Variants in KIF13B observed in about 807,000 individuals in gnomAD.
KIF13B encodes kinesin-like protein KIF13B.
Under a neutral mutation model 222.0 loss-of-function variants are expected in KIF13B, and 127 were observed. The ratio of observed to expected loss-of-function variants is 0.57; its 90% CI spans 0.50 to 0.66. The LOEUF is 0.66. Ranked by LOEUF, KIF13B falls within the 30% of genes least tolerant of loss-of-function variation. The pLI is 0.00. For synonymous variants in KIF13B, 976 were observed against 919.0 expected (o/e 1.06, Z -1.12); for missense variants, 2,173 against 2,379.0 (o/e 0.91, Z 1.80).
rs1005368278 is a variant in KIF13B, at chr8:29,071,940, T to C, written c.4898A>G (p.Glu1633Gly). 16 of 1,392,802 alleles carry C rather than the reference T, an allele frequency of 1.1e-5. No individual in the cohort carries two copies. The highest frequency in any genetic ancestry group is 1.6e-5 in the African/African-American group (1 of 64,114). 86.3% of individuals were successfully genotyped at this position (1,392,802 alleles called of 1,614,324 possible). A position where few individuals can be genotyped will look rare whatever the true frequency, so the allele number is the denominator to read the frequency against. The stretch of plus-strand genomic sequence containing the variant: ...CGCCGGGGCCTCGAGGTCGGGGCGC[T>C]CCCGACCGGGGCTCACGAGCTGCTG... ...GPQQLVSPGRERPDLEAPAPG... is the reference protein window; with the variant it reads ...GPQQLVSPGRGRPDLEAPAPG... Residue 1633 changes from glutamate to glycine, a missense_variant, in exon 39 of 40, where the codon GAG becomes GGG. This residue lies in a region of KIF13B where 693 missense variants were observed against 656.2 expected (regional missense o/e 1.06). Coordinates refer to ENST00000524189, the MANE Select transcript of KIF13B (RefSeq NM_015254.4). The surrounding 1 kb of genome is among the most constrained non-coding windows in gnomAD (Gnocchi z 4.9).
chr8:29,118,774 G>A (rs2129694826), intron 30 of KIF13B, 94 bp downstream of exon 30: 1 of 1,275,712 alleles, frequency 7.8e-7, no homozygotes, highest in South Asian at 1.4e-5. Context: ...GAAATGTAAA[G>A]TACTGGCATG....
intron 23 of KIF13B, among the ~76,000 whole-genome samples, chr8:29,131,058 T>C (rs1810320618): frequency 6.6e-6 from 1 of 152,104 alleles, no homozygotes; most frequent in Non-Finnish European, 1.5e-5. Flanking sequence ...CCTAAGCAAA[T>C]TAATGCAGAA....
chr8:29,073,463 A>G (rs1042520758), intron 38 of KIF13B, among the ~76,000 whole-genome samples: 1 of 152,184 alleles, frequency 6.6e-6, no homozygotes, highest in South Asian at 2.1e-4. Flanking sequence ...TCTTTCATCT[A>G]TAACTGAAGC....
chr8:29,262,932 G>A (rs756033245), intron 1 of KIF13B, 48 bp downstream of exon 1: 88 of 1,484,338 alleles, frequency 5.9e-5, no homozygotes, highest in Non-Finnish European at 7.1e-5. Context: ...GGGCGCGCCA[G>A]GCACCTGCCG....
At chr8:29,140,857 C>T (rs1810787599) in intron 19 of KIF13B, 4 of 378,260 alleles carry the variant, frequency 1.1e-5, no homozygotes, top group Admixed American at 8.6e-5. Flanking sequence ...CATGACAGAG[C>T]GATCCCAGTA....
chr8:29,261,124 C>T (rs749413036), intron 1 of KIF13B, among the ~76,000 whole-genome samples: 28 of 152,156 alleles, frequency 1.8e-4, no homozygotes, highest in Non-Finnish European at 4.0e-4. Context: ...TAAGAATGGG[C>T]ACTAAGTGAA....
intron 3 of KIF13B, among the ~76,000 whole-genome samples, chr8:29,195,069 G>A (rs1813356938): frequency 6.6e-6 from 1 of 152,112 alleles, no homozygotes; most frequent in Admixed American, 6.5e-5. Flanking sequence ...CCAACATGGT[G>A]AAACCCCGTC....
chr8:29,223,580 T>A (rs1349566808), intron 2 of KIF13B, among the ~76,000 whole-genome samples: 1 of 152,210 alleles, frequency 6.6e-6, no homozygotes, highest in Non-Finnish European at 1.5e-5. Flanking sequence ...ATTTAACACG[T>A]AACTAAAATT....
intron 4 of KIF13B, chr8:29,190,386 T>C (rs907561502): frequency 1.3e-5 from 2 of 152,378 alleles, no homozygotes; most frequent in African/African-American, 4.8e-5. Context: ...TCTGGATTGC[T>C]AAACACACAG....
intron 1 of KIF13B, 60 bp from the exon 2 acceptor site, chr8:29,245,499 C>G: frequency 7.9e-7 from 1 of 1,263,484 alleles, no homozygotes; most frequent in Non-Finnish European, 1.1e-6. Flanking sequence ...TCAGAAAAGG[C>G]AAAATTCAGA....
intron 12 of KIF13B, among the ~76,000 whole-genome samples, chr8:29,165,183 G>C (rs561036619): frequency 5.9e-5 from 9 of 152,134 alleles, no homozygotes; most frequent in Non-Finnish European, 1.0e-4. Context: ...ACTGTCACTA[G>C]AAAATGGTGA....
intron 21 of KIF13B, among the ~76,000 whole-genome samples, chr8:29,134,486 T>C (rs1019909941): frequency 1.4e-4 from 22 of 152,326 alleles, no homozygotes; most frequent in African/African-American, 4.1e-4. Context: ...TTTCTCAGAA[T>C]ATAAGAATCA....
intron 2 of KIF13B, among the ~76,000 whole-genome samples, chr8:29,226,324 G>T (rs1015416648): frequency 4.6e-5 from 7 of 152,224 alleles, no homozygotes; most frequent in Admixed American, 3.9e-4. Context: ...TAGATGACTG[G>T]AGCTAAATGG....
intron 37 of KIF13B, among the ~76,000 whole-genome samples, chr8:29,085,366 A>G (rs1807994244): frequency 6.6e-6 from 1 of 152,222 alleles, no homozygotes; most frequent in Non-Finnish European, 1.5e-5. Flanking sequence ...CCTTCACTAC[A>G]CAACTTGTGT....
At chr8:29,115,015 T>C (rs1790415121) in intron 31 of KIF13B, among the ~76,000 whole-genome samples, 1 of 152,208 alleles carries the variant, frequency 6.6e-6, no homozygotes, top group South Asian at 2.1e-4. Flanking sequence ...GCTAACCCCG[T>C]GACCTGGATT....
chr8:29,102,335 C>T (rs1808831214), intron 35 of KIF13B, among the ~76,000 whole-genome samples: 3 of 152,240 alleles, frequency 2.0e-5, no homozygotes, highest in Admixed American at 2.0e-4. Flanking sequence ...ATGTCTACCA[C>T]ACTTCAGAAT....
chr8:29,211,503 T>G (rs571688810), intron 2 of KIF13B, among the ~76,000 whole-genome samples: 1 of 151,962 alleles, frequency 6.6e-6, no homozygotes, highest in East Asian at 1.9e-4. Context: ...CCTGAGAAGC[T>G]GAGGCAGCTA....
intron 3 of KIF13B, among the ~76,000 whole-genome samples, chr8:29,195,216 C>G (rs934343173): frequency 1.3e-5 from 2 of 152,144 alleles, no homozygotes; most frequent in African/African-American, 4.8e-5. Flanking sequence ...CCACCGCACT[C>G]CAGCCTGAGC....
chr8:29,087,335 C>G (rs542396281), intron 37 of KIF13B, among the ~76,000 whole-genome samples: 1 of 152,244 alleles, frequency 6.6e-6, no homozygotes, highest in East Asian at 1.9e-4. Flanking sequence ...TAGTCTCAAA[C>G]GCAGAGAGAT....
Sources: allele counts gnomAD v4.1 joint callset (sites outside exome capture counted in the v4.1 genomes callset), GRCh38; gene constraint gnomAD v4.1.1; regional missense constraint gnomAD v4.1.1; non-coding constraint Gnocchi (gnomAD v3.1); transcripts MANE v1.5; gene names NCBI Gene and HGNC (gene_info 2026-07-23, HGNC 2026-07-21).